Variants in JMJD1C observed in about 807,000 individuals in gnomAD.
JMJD1C encodes the protein jumonji domain containing 1C.
A neutral mutation model predicts 245.3 loss-of-function variants in JMJD1C; 31 were observed. The ratio of observed to expected loss-of-function variants is 0.13; its 90% confidence interval spans 0.09 to 0.17. The LOEUF (loss-of-function observed/expected upper bound fraction) is 0.17. Among genes scored for constraint, JMJD1C ranks in the 10% least tolerant of loss-of-function variants. The pLI is 1.00. For missense variants in JMJD1C, 2,691 were observed against 3,000.2 expected, an observed-to-expected ratio of 0.90 and a Z score of 2.41; for synonymous variants, 1,057 against 1,017.4, an observed-to-expected ratio of 1.04 and a Z score of -0.74.
chr10:63,340,878 G>A (rs567407778), intron 2 of JMJD1C, among the ~76,000 whole-genome samples: 1 of 152,146 alleles, frequency 6.6e-6, no homozygotes, highest in Non-Finnish European at 1.5e-5. Context: ...CCAGGAGATG[G>A]AGGTTGCAGT....
chr10:63,370,052 A>G (rs1946172351), intron 2 of JMJD1C, among the ~76,000 whole-genome samples: 1 of 152,248 alleles, frequency 6.6e-6, no homozygotes, highest in South Asian at 2.1e-4. Context: ...TCAAAGACTC[A>G]GATGAGTTTC....
intron 3 of JMJD1C, among the ~76,000 whole-genome samples, chr10:63,255,910 C>T (rs914775159): frequency 1.3e-5 from 2 of 152,008 alleles, no homozygotes; most frequent in African/African-American, 2.4e-5. Context: ...ATATGACATG[C>T]TTCAGTAAGA....
intron 2 of JMJD1C, among the ~76,000 whole-genome samples, chr10:63,281,983 T>C (rs1325617310): frequency 6.6e-6 from 1 of 152,164 alleles, no homozygotes; most frequent in East Asian, 1.9e-4. Flanking sequence ...ACATATACGT[T>C]TGCATATGAC....
At chr10:63,209,536 C>G (rs61855467) in intron 8 of JMJD1C, among the ~76,000 whole-genome samples, 1 of 151,966 alleles carries the variant, frequency 6.6e-6, no homozygotes, top group Non-Finnish European at 1.5e-5. Flanking sequence ...ATATACAGAA[C>G]CTAGTTTATA....
chr10:63,250,281 T>C (rs1250340346), intron 3 of JMJD1C, among the ~76,000 whole-genome samples: 1 of 152,122 alleles, frequency 6.6e-6, no homozygotes, highest in African/African-American at 2.4e-5. Flanking sequence ...GCTCTTAAAG[T>C]GGTAGGATTA....
At chr10:63,228,663 A>G (rs2133368416) in intron 3 of JMJD1C, among the ~76,000 whole-genome samples, 1 of 152,330 alleles carries the variant, frequency 6.6e-6, no homozygotes, top group Admixed American at 6.5e-5. Context: ...CAATGTATCA[A>G]ATACAATTTT....
chr10:63,512,856 T>C (rs764607412), intron 1 of JMJD1C, among the ~76,000 whole-genome samples: 4 of 152,228 alleles, frequency 2.6e-5, no homozygotes, highest in Non-Finnish European at 4.4e-5. Context: ...TCACAGTTCT[T>C]GCACATTCTG....
rs1842972664 is a variant in JMJD1C, at chr10:63,177,560, G to C, written c.7224+157C>G. ...TTAACAGACTTTCAAAGAGGAGCAA[G>C]AGAAACAGGGTTTTGACTTTCAACA... On this transcript the variant is annotated intron_variant, in intron 23 of 25. Transcript: ENST00000399262. 4 of 706,784 alleles carry C rather than the reference G, an allele frequency of 5.7e-6. No individual in the cohort carries two copies. In the African/African-American group the frequency reaches 7.2e-5, roughly 13 times the overall value. 43.8% of individuals were successfully genotyped at this position (706,784 alleles called of 1,614,324 possible). A position where few individuals can be genotyped will look rare whatever the true frequency, so the allele number is the denominator to read the frequency against.
At chr10:63,469,029 A>C (rs1953406953), upstream of JMJD1C, among the ~76,000 whole-genome samples, 1 of 152,230 alleles carries the variant, frequency 6.6e-6, no homozygotes, top group South Asian at 2.1e-4. Flanking sequence ...AAGAAAATGT[A>C]TTCACTGCAA....
chr10:63,315,586 C>A (rs1939894171), intron 2 of JMJD1C, among the ~76,000 whole-genome samples: 1 of 151,942 alleles, frequency 6.6e-6, no homozygotes, highest in Admixed American at 6.6e-5. Context: ...TGCCTATAAT[C>A]CCAGCACTTT....
chr10:63,441,791 C>CATTATTCA (rs796148336), intron 1 of JMJD1C, among the ~76,000 whole-genome samples: 5 of 152,274 alleles, frequency 3.3e-5, no homozygotes, highest in African/African-American at 1.2e-4. Flanking sequence ...TTTTTATTCT[C>CATTATTCA]ATTATTCAAT....
At chr10:63,357,983 T>TAC (rs1376032810) in intron 2 of JMJD1C, among the ~76,000 whole-genome samples, 1 of 151,188 alleles carries the variant, frequency 6.6e-6, no homozygotes, top group East Asian at 1.9e-4. Flanking sequence ...AGAACACATG[T>TAC]AGACGTGGCA....
intron 1 of JMJD1C, among the ~76,000 whole-genome samples, chr10:63,434,326 T>C (rs561240822): frequency 1.3e-5 from 2 of 152,266 alleles, no homozygotes; most frequent in Admixed American, 6.5e-5. Flanking sequence ...CAAACGGCAA[T>C]GGACTAGGTT....
At chr10:63,340,024 C>T (rs932202822) in intron 2 of JMJD1C, among the ~76,000 whole-genome samples, 2 of 151,866 alleles carry the variant, frequency 1.3e-5, no homozygotes, top group Admixed American at 6.6e-5. Context: ...AGCGCCACTG[C>T]ACTCCAGCCT....
intron 1 of JMJD1C, among the ~76,000 whole-genome samples, chr10:63,516,977 A>G (rs1177143161): frequency 6.6e-6 from 1 of 152,232 alleles, no homozygotes; most frequent in African/African-American, 2.4e-5. Flanking sequence ...GCAGACAGAA[A>G]AAGAACAGCT....
intron 2 of JMJD1C, chr10:63,301,754 G>A (rs1349273202): frequency 2.2e-5 from 10 of 451,572 alleles, no homozygotes; most frequent in Non-Finnish European, 4.4e-5. Flanking sequence ...CATGGCACGT[G>A]TATACATACC....
chr10:63,249,464 A>C (rs1274520222), intron 3 of JMJD1C, among the ~76,000 whole-genome samples: 1 of 152,240 alleles, frequency 6.6e-6, no homozygotes, highest in Non-Finnish European at 1.5e-5. Context: ...AGAATAAATA[A>C]GACCTATGGT....
At chr10:63,448,797 A>G (rs1050920409) in intron 1 of JMJD1C, among the ~76,000 whole-genome samples, 2 of 152,172 alleles carry the variant, frequency 1.3e-5, no homozygotes, top group African/African-American at 4.8e-5. Context: ...TGAATAGATA[A>G]CAGCATTTTG....
chr10:63,347,275 TA>T (rs1166558384), intron 2 of JMJD1C, among the ~76,000 whole-genome samples: 2 of 151,896 alleles, frequency 1.3e-5, no homozygotes, highest in Admixed American at 1.3e-4. Context: ...TGCCTCCTTG[TA>T]AAAATTTTTC....
Sources: allele counts gnomAD v4.1 joint callset (sites outside exome capture counted in the v4.1 genomes callset), GRCh38; gene constraint gnomAD v4.1.1; transcripts MANE v1.5; gene names NCBI Gene and HGNC (gene_info 2026-07-23, HGNC 2026-07-21).